The following CASS4 variants were observed in gnomAD, a reference collection of about 807,000 sequenced individuals.
CASS4 encodes cas scaffolding protein family member 4.
CASS4 carries 22 observed loss-of-function variants against 54.2 expected under a neutral mutation model. The observed-to-expected ratio is 0.41, with a 90% CI of 0.29 to 0.58. The LOEUF (loss-of-function observed/expected upper bound fraction) is 0.58, where lower values mean the gene tolerates loss of function less well. CASS4 is among the 20% of genes least tolerant of loss of function. The pLI is 0.36. For synonymous variants in CASS4, 409 were observed against 391.5 expected, an observed-to-expected ratio of 1.04 and a Z score of -0.53; for missense variants, 854 against 986.7, an observed-to-expected ratio of 0.87 and a Z score of 1.80.
chr20:56,437,591 G>A lies in CASS4; in HGVS notation c.459+5G>A, dbSNP rs988136785. On this transcript the variant is annotated splice_donor_5th_base_variant and intron_variant, in intron 2 of 5. Transcript: ENST00000679887. This position sits in a 1 kb window ranked among gnomAD's most constrained non-coding sequence, Gnocchi z 4.7. ...ACTCTCAGCTTTCCAAAACAGGTAC[G>A]CATACTTCCACCTACTAGACATGGG... is the stretch of plus-strand genomic sequence containing the variant. 9.2e-6 allele frequency: 14 copies of A among 1,524,492 alleles called. No homozygotes were observed. The highest frequency in any genetic ancestry group is 1.1e-5 in the Non-Finnish European group (13 of 1,136,164). The allele number at this position is 1,524,492 out of a possible 1,614,324, so 94.4% of individuals were successfully genotyped here. A position where few individuals can be genotyped will look rare whatever the true frequency, so the allele number is the denominator to read the frequency against.
chr20:56,445,799 T>C, intron 2 of CASS4, 101 bp from the exon 3 acceptor site: 2 of 888,796 alleles, frequency 2.3e-6, no homozygotes, highest in South Asian at 1.6e-5. Context: ...TTCAGCAGTA[T>C]CCACCCAGCT....
chr20:56,435,380 T>C (rs1482548772), intron 1 of CASS4, among the ~76,000 whole-genome samples: 6 of 152,234 alleles, frequency 3.9e-5, no homozygotes, highest in Non-Finnish European at 8.8e-5. Flanking sequence ...AAAAAACAAC[T>C]GGAAGGATAA....
chr20:56,421,394 C>T (rs182941031), intron 1 of CASS4, among the ~76,000 whole-genome samples: 1 of 152,152 alleles, frequency 6.6e-6, no homozygotes, highest in Non-Finnish European at 1.5e-5. Context: ...GACACAAAAC[C>T]CTTTAGAAAC....
chr20:56,420,450 G>A (rs797012175), intron 1 of CASS4, among the ~76,000 whole-genome samples: 41 of 152,106 alleles, frequency 2.7e-4, no homozygotes, highest in African/African-American at 8.9e-4. Context: ...GTGCAGTGGC[G>A]TTATCATAGT....
chr20:56,419,105 T>C (rs1353881340), intron 1 of CASS4, among the ~76,000 whole-genome samples: 2 of 151,850 alleles, frequency 1.3e-5, no homozygotes, highest in Non-Finnish European at 2.9e-5. Flanking sequence ...GGGAAGCAAC[T>C]GTAGAATCAA....
chr20:56,419,538 C>CA (rs11374380), intron 1 of CASS4, among the ~76,000 whole-genome samples: 14,828 of 152,158 alleles, frequency 0.097, 2,378 homozygotes, highest in African/African-American at 0.33. Context: ...GTGATCCTCC[C>CA]ACCTCAGCCT....
At position 56,458,558 on chromosome 20, in the gene CASS4, C is replaced by A. The variant is rs1981426782; in HGVS notation, c.2172C>A (p.Thr724=). 12 of 1,613,924 alleles carry A rather than the reference C, an allele frequency of 7.4e-6. No homozygotes were observed. Among genetic ancestry groups the A allele is most frequent in the Non-Finnish European group, 1.0e-5 (12 of 1,179,982 alleles). ...QKLVDTLCME[T]QERDVRNEIL... ...TGGTGGACACGCTGTGCATGGAGAC[C>A]CAGGAGAGGGACGTGCGCAACGAGA... The change falls in exon 6 of 6, where the codon ACC becomes ACA. Residue 724 remains threonine (T), a synonymous_variant. Coordinates refer to ENST00000679887, the MANE Select transcript of CASS4 (RefSeq NM_020356.4).
In CASS4 at chr20:56,413,550, G is replaced by A. The variant is rs944008952; in HGVS notation, c.36+1056G>A. On this transcript the variant is annotated intron_variant, in intron 1 of 5. Coordinates refer to ENST00000679887, the MANE Select transcript of CASS4 (RefSeq NM_020356.4). ...TAGCTGAGCGTGGTGGCGCATGCCC[G>A]TGATCCCAGCTACTCGGGAGGCTGA... is the stretch of plus-strand genomic sequence containing the variant. 4.6e-5 allele frequency among the ~76,000 whole-genome samples: 7 copies of A among 151,924 alleles called. No homozygotes were observed. The South Asian group carries it at 8.3e-4, about 18-fold the overall frequency.
In CASS4 at chr20:56,460,268, A is replaced by C. The variant is rs1981539776; in HGVS notation, c.*1521A>C. The C allele has an allele frequency of 6.6e-6, 1 of 152,452 alleles. No individual in the cohort carries two copies. The highest frequency in any genetic ancestry group is 2.4e-5 in the African/African-American group (1 of 41,414). The allele number at this position is 152,452 out of a possible 1,614,324, so 9.4% of individuals were successfully genotyped here. A position where few individuals can be genotyped will look rare whatever the true frequency, so the allele number is the denominator to read the frequency against. ...TTATATTTTGTCTCAAATCTGTTAC[A>C]ATTTATATTGGTTGGTGCAAAAGTA... is the stretch of plus-strand genomic sequence containing the variant. On this transcript the variant is annotated 3_prime_UTR_variant, in exon 6 of 6. Transcript: ENST00000679887.
chr20:56,458,014 CAAAAAAAAAAAA>C (rs11355939), intron 5 of CASS4, among the ~76,000 whole-genome samples: 1 of 76,532 alleles, frequency 1.3e-5, no homozygotes, highest in Admixed American at 1.3e-4. Flanking sequence ...AACTCTGTCT[CAAAAAAAAAAAA>C]AAAAAAAAAA....
chr20:56,447,638 T>A (rs1218509666), intron 3 of CASS4, among the ~76,000 whole-genome samples: 2 of 152,210 alleles, frequency 1.3e-5, no homozygotes, highest in Admixed American at 1.3e-4. Context: ...TCCCTCCAGG[T>A]GGACAAATGC....
intron 1 of CASS4, among the ~76,000 whole-genome samples, chr20:56,420,307 T>C (rs1045455702): frequency 1.3e-5 from 2 of 152,178 alleles, no homozygotes; most frequent in African/African-American, 4.8e-5. Context: ...AAAAGAGCAG[T>C]AGGGTCATCC....
chr20:56,430,403 T>C lies in CASS4; in HGVS notation c.37-6761T>C, dbSNP rs77573477. ...TCGTTTAAGAACATTTCTTCCATTGTACCCAGAATCTAACTGCTTGTGTAC... is the reference window on the plus strand; with the variant it reads ...TCGTTTAAGAACATTTCTTCCATTGCACCCAGAATCTAACTGCTTGTGTAC... On this transcript the variant is annotated intron_variant, in intron 1 of 5. Transcript: ENST00000679887. This position sits in a 1 kb window ranked among gnomAD's most constrained non-coding sequence, Gnocchi z 4.2. Among the ~76,000 whole-genome samples the C allele has an allele frequency of 2.3e-4, 35 of 152,374 alleles. No homozygotes were observed. In the East Asian group the frequency reaches 6.2e-3, roughly 27 times the overall value.
rs1157083392 is a variant in CASS4, at chr20:56,414,296, G to T, written c.36+1802G>T. ...TTGTCAATTCTCAGTTCTTAATCTA[G>T]AACAATCTACTACCTTTTTCTCTTT... On this transcript the variant is annotated intron_variant, in intron 1 of 5. Coordinates refer to ENST00000679887, the MANE Select transcript of CASS4 (RefSeq NM_020356.4). This position sits in a 1 kb window ranked among gnomAD's most constrained non-coding sequence, Gnocchi z 4.1. Among the ~76,000 whole-genome samples the T allele has an allele frequency of 6.6e-6, 1 of 152,056 alleles. No homozygotes were observed. Among genetic ancestry groups the T allele is most frequent in the Admixed American group, 6.6e-5 (1 of 15,260 alleles).
intron 2 of CASS4, among the ~76,000 whole-genome samples, chr20:56,442,312 C>A (rs764900573): frequency 1.8e-4 from 28 of 151,938 alleles, no homozygotes; most frequent in Admixed American, 9.2e-4. Context: ...AACAACTCTT[C>A]ATTTTACAGA....
intron 3 of CASS4, among the ~76,000 whole-genome samples, chr20:56,448,723 A>G (rs1282469083): frequency 2.6e-5 from 4 of 152,158 alleles, no homozygotes; most frequent in Non-Finnish European, 4.4e-5. Context: ...TGGAATTTGT[A>G]ACCTGTTTTT....
rs780405743 is a variant in CASS4 at position 56,452,027 on chromosome 20, G to A, written c.851G>A (p.Ser284Asn). The change falls in exon 5 of 6, where the codon AGT (serine) becomes AAT (asparagine). Residue 284 changes from serine to asparagine, a missense_variant. Physicochemically the swap from Ser to Asn is conservative, Grantham distance 46. Coordinates refer to ENST00000679887, the MANE Select transcript of CASS4 (RefSeq NM_020356.4). ...AGCTCCACTTTCTACAATCCTCCAAGTGGCAGATCCAGGTCCCTCACTCCA... is the reference window on the plus strand; with the variant it reads ...AGCTCCACTTTCTACAATCCTCCAAATGGCAGATCCAGGTCCCTCACTCCA... ...SSSSTFYNPP[S>N]GRSRSLTPQL... 4.3e-6 allele frequency: 7 copies of A among 1,614,192 alleles called. No homozygotes were observed. The highest frequency in any genetic ancestry group is 4.5e-5 in the East Asian group (2 of 44,880).
At chr20:56,451,753 A>T in intron 4 of CASS4, 66 bp from the exon 5 acceptor site, 2 of 1,198,042 alleles carry the variant, frequency 1.7e-6, no homozygotes, top group Non-Finnish European at 1.2e-6. Flanking sequence ...GATGAGATTT[A>T]AACAACGCAC....
At position 56,458,840 on chromosome 20, in the gene CASS4, A is replaced by G. The variant is rs1339097669; in HGVS notation, c.*93A>G. ...CCCTATGGGAAAAGCCAGCCGGGGC[A>G]TACACCAATGAGCTGAAACAGACCT... On this transcript the variant is annotated 3_prime_UTR_variant, in exon 6 of 6. Coordinates refer to ENST00000679887, the MANE Select transcript of CASS4 (RefSeq NM_020356.4). The G allele has an allele frequency of 1.5e-6, 2 of 1,292,816 alleles. No homozygotes were observed. Among genetic ancestry groups the G allele is most frequent in the Non-Finnish European group, 1.1e-6 (1 of 951,126 alleles). 80.1% of individuals were successfully genotyped at this position (1,292,816 alleles called of 1,614,324 possible). A position where few individuals can be genotyped will look rare whatever the true frequency, so the allele number is the denominator to read the frequency against.
Sources: allele counts gnomAD v4.1 joint callset (sites outside exome capture counted in the v4.1 genomes callset), GRCh38; gene constraint gnomAD v4.1.1; non-coding constraint Gnocchi (gnomAD v3.1); transcripts MANE v1.5; gene names NCBI Gene and HGNC (gene_info 2026-07-23, HGNC 2026-07-21).